The following DIS3L2 variants were observed in gnomAD, a reference collection of about 807,000 sequenced individuals.
DIS3L2 encodes DIS3-like exonuclease 2.
A neutral mutation model predicts 97.5 loss-of-function variants in DIS3L2; 34 were observed. The observed-to-expected ratio is 0.35, with a 90% confidence interval of 0.27 to 0.46. The LOEUF (loss-of-function observed/expected upper bound fraction) is 0.46, where lower values mean the gene tolerates loss of function less well. Among genes scored for constraint, DIS3L2 ranks in the 20% least tolerant of loss-of-function variants. DIS3L2 has a pLI of 1.00. For synonymous variants in DIS3L2, 435 were observed against 445.2 expected, an observed-to-expected ratio of 0.98 and a Z score of 0.29; for missense variants, 1,038 against 1,146.0, an observed-to-expected ratio of 0.91 and a Z score of 1.36.
intron 5 of DIS3L2, among the ~76,000 whole-genome samples, chr2:232,056,751 G>T (rs1574842259): frequency 6.6e-6 from 1 of 152,274 alleles, no homozygotes; most frequent in East Asian, 1.9e-4. Flanking sequence ...CTCCCTGAAG[G>T]GCTGAAATAA....
In DIS3L2 at chr2:232,011,248, G is replaced by A. The variant is rs1425880719; in HGVS notation, c.-93-3587G>A. 7.9e-5 allele frequency among the ~76,000 whole-genome samples: 12 copies of A among 152,130 alleles called. No homozygotes were observed. The East Asian group carries it at 1.5e-3, about 20-fold the overall frequency. ...GTTAGTAAGGATTGGAAACTGGCCC[G>A]TGCTTTCAATGTGTCAGGGTAGGAG... On this transcript the variant is annotated intron_variant, in intron 1 of 20. Transcript: ENST00000325385.
rs1425725493 is a variant in DIS3L2 at position 232,051,671 on chromosome 2, G to A, written c.366+21591G>A. 2.0e-5 allele frequency among the ~76,000 whole-genome samples: 3 copies of A among 150,760 alleles called. No homozygotes were observed. In the East Asian group the frequency reaches 5.9e-4, roughly 30 times the overall value. On this transcript the variant is annotated intron_variant, in intron 5 of 20. Coordinates refer to ENST00000325385, the MANE Select transcript of DIS3L2 (RefSeq NM_152383.5). ...ACTAAAAATACAAAAAATTAGCCGG[G>A]CGTAGTGGCGGGCGCCTGTAGTCCC...
chr2:232,095,982 C>A (rs1696996779), intron 6 of DIS3L2, among the ~76,000 whole-genome samples: 2 of 149,866 alleles, frequency 1.3e-5, no homozygotes, highest in African/African-American at 2.5e-5. Flanking sequence ...TTTTCTTTTT[C>A]TTTTTCTTCT....
intron 10 of DIS3L2, among the ~76,000 whole-genome samples, chr2:232,229,295 C>T (rs1692729428): frequency 6.6e-6 from 1 of 152,162 alleles, no homozygotes; most frequent in Admixed American, 6.5e-5. Context: ...CACAGCCAGT[C>T]CTGCTCCATT....
chr2:232,161,376 T>A (rs1304060125), intron 8 of DIS3L2, among the ~76,000 whole-genome samples: 1 of 152,204 alleles, frequency 6.6e-6, no homozygotes, highest in Non-Finnish European at 1.5e-5. Flanking sequence ...TGCTGTAAAT[T>A]ACCCTCCAAC....
intron 1 of DIS3L2, among the ~76,000 whole-genome samples, chr2:232,011,324 G>A (rs1694193357): frequency 6.6e-6 from 1 of 151,982 alleles, no homozygotes; most frequent in South Asian, 2.1e-4. Flanking sequence ...ATGTCACAGG[G>A]AATAGAAGAT....
intron 6 of DIS3L2, among the ~76,000 whole-genome samples, chr2:232,111,491 A>T (rs1697531850): frequency 6.6e-6 from 1 of 152,104 alleles, no homozygotes; most frequent in South Asian, 2.1e-4. Flanking sequence ...GGCTTATACA[A>T]GTTTTGCTTA....
intron 6 of DIS3L2, among the ~76,000 whole-genome samples, chr2:232,106,259 G>A (rs192768309): frequency 6.6e-6 from 1 of 152,240 alleles, no homozygotes; most frequent in East Asian, 1.9e-4. Flanking sequence ...TACTCTTGTT[G>A]ACATGTGATA....
At chr2:232,052,588 C>T (rs1559576806) in intron 5 of DIS3L2, among the ~76,000 whole-genome samples, 1 of 152,162 alleles carries the variant, frequency 6.6e-6, no homozygotes, top group African/African-American at 2.4e-5. Flanking sequence ...ATCTTGGGCA[C>T]CACATACAGA....
chr2:232,109,293 A>G (rs1281298434), intron 6 of DIS3L2, among the ~76,000 whole-genome samples: 1 of 152,100 alleles, frequency 6.6e-6, no homozygotes, highest in Non-Finnish European at 1.5e-5. Flanking sequence ...TAAAAATACA[A>G]AAATTAGCTC....
At chr2:232,303,432 C>G (rs1183072363) in intron 14 of DIS3L2, among the ~76,000 whole-genome samples, 1 of 152,178 alleles carries the variant, frequency 6.6e-6, no homozygotes, top group Non-Finnish European at 1.5e-5. Context: ...GAAGACAATA[C>G]CAGCAGAGAG....
intron 20 of DIS3L2, 96 bp from the exon 21 acceptor site, chr2:232,336,373 G>A (rs1192240186): frequency 1.3e-6 from 2 of 1,549,422 alleles, no homozygotes; most frequent in Non-Finnish European, 1.7e-6. Flanking sequence ...GAGGCCGAAG[G>A]AGGGGCCAGG....
intron 5 of DIS3L2, among the ~76,000 whole-genome samples, chr2:232,083,060 A>C (rs1475306679): frequency 2.3e-5 from 1 of 42,572 alleles, no homozygotes; most frequent in African/African-American, 6.2e-5. Context: ...ACAGCACAGG[A>C]AAGACCCACC....
At chr2:231,974,320 A>T (rs1382653157) in intron 1 of DIS3L2, among the ~76,000 whole-genome samples, 1 of 152,128 alleles carries the variant, frequency 6.6e-6, no homozygotes, top group Admixed American at 6.6e-5. Context: ...GAGCAAAAAC[A>T]TGGGTCCCTG....
chr2:232,279,385 T>C (rs1427273448), intron 13 of DIS3L2, among the ~76,000 whole-genome samples: 2 of 152,260 alleles, frequency 1.3e-5, no homozygotes, highest in Non-Finnish European at 2.9e-5. Flanking sequence ...TTGAGCATCT[T>C]TTCATATGTA....
At chr2:232,239,338 T>C (rs1333062400) in intron 11 of DIS3L2, among the ~76,000 whole-genome samples, 3 of 152,200 alleles carry the variant, frequency 2.0e-5, no homozygotes, top group Non-Finnish European at 4.4e-5. Context: ...CACATATATA[T>C]TGAGCACCAA....
intron 1 of DIS3L2, among the ~76,000 whole-genome samples, chr2:231,997,490 A>G (rs1169320281): frequency 6.6e-6 from 1 of 152,248 alleles, no homozygotes; most frequent in Non-Finnish European, 1.5e-5. Flanking sequence ...ATGATCCTGT[A>G]GTCCACATAG....
At chr2:232,267,233 G>A (rs1559183327) in intron 13 of DIS3L2, among the ~76,000 whole-genome samples, 1 of 152,190 alleles carries the variant, frequency 6.6e-6, no homozygotes, top group Non-Finnish European at 1.5e-5. Flanking sequence ...ATTAGCATAT[G>A]TATATACTAG....
chr2:232,332,085 G>A (rs1378839172), intron 16 of DIS3L2, among the ~76,000 whole-genome samples: 1 of 152,074 alleles, frequency 6.6e-6, no homozygotes, highest in African/African-American at 2.4e-5. Flanking sequence ...GGATGGCTGG[G>A]CCTGTGGGAA....
Sources: gnomAD v4.1 joint callset for allele counts (sites outside exome capture counted in the v4.1 genomes callset) on GRCh38, gnomAD v4.1.1 for gene constraint, MANE v1.5 for transcripts, NCBI Gene and HGNC (gene_info 2026-07-23, HGNC 2026-07-21) for gene names.